The following TSC22D1 variants were observed in gnomAD, a reference collection of about 807,000 sequenced individuals.
The protein encoded by TSC22D1 is TSC22 domain family protein 1.
A neutral mutation model predicts 74.2 loss-of-function variants in TSC22D1; 9 were observed. The observed-to-expected ratio is 0.12, with a 90% CI of 0.07 to 0.21. The LOEUF (loss-of-function observed/expected upper bound fraction) is 0.21. TSC22D1 is among the 10% of genes least tolerant of loss of function. The pLI, the probability that TSC22D1 is intolerant of heterozygous loss-of-function variation, is 1.00. For missense variants in TSC22D1, 1,427 were observed against 1,304.7 expected (o/e 1.09, Z -1.44); for synonymous variants, 586 against 492.5 (o/e 1.19, Z -2.51).
At chr13:44,533,598 C>A (rs966735741) in intron 1 of TSC22D1, among the ~76,000 whole-genome samples, 6 of 151,752 alleles carry the variant, frequency 4.0e-5, no homozygotes, top group Non-Finnish European at 8.8e-5. Flanking sequence ...TGCCTGGCCA[C>A]CATGGTGAAG....
At chr13:44,521,843 T>C (rs1880333210) in intron 1 of TSC22D1, among the ~76,000 whole-genome samples, 2 of 152,200 alleles carry the variant, frequency 1.3e-5, no homozygotes, top group African/African-American at 4.8e-5. Context: ...GGCACTATAA[T>C]TTACCTACAT....
At chr13:44,529,670 G>A (rs1294086831) in intron 1 of TSC22D1, among the ~76,000 whole-genome samples, 1 of 152,072 alleles carries the variant, frequency 6.6e-6, no homozygotes, top group Non-Finnish European at 1.5e-5. Context: ...ATATGATTGT[G>A]TATGTTGAAA....
chr13:44,569,123 G>A (rs982057424), intron 1 of TSC22D1, among the ~76,000 whole-genome samples: 7 of 152,064 alleles, frequency 4.6e-5, no homozygotes, highest in African/African-American at 1.4e-4. Flanking sequence ...CAAAGTTCTA[G>A]GGAATTTCCA....
chr13:44,453,693 C>T (rs367896639), intron 1 of TSC22D1, among the ~76,000 whole-genome samples: 35 of 152,140 alleles, frequency 2.3e-4, no homozygotes, highest in Non-Finnish European at 4.4e-4. Context: ...CCCAGAAATA[C>T]GCAGTTCAAT....
intron 1 of TSC22D1, chr13:44,537,566 T>C: frequency 1.0e-6 from 1 of 985,094 alleles, no homozygotes; most frequent in Non-Finnish European, 1.2e-6. Flanking sequence ...CATTTTTAGT[T>C]CCTTCAGTTC....
intron 1 of TSC22D1, among the ~76,000 whole-genome samples, chr13:44,499,912 C>T (rs779627687): frequency 5.3e-5 from 8 of 151,940 alleles, no homozygotes; most frequent in Non-Finnish European, 7.4e-5. Context: ...CATGGTGAAA[C>T]CCCATCTCTA....
chr13:44,458,214 C>G (rs1595093206), intron 1 of TSC22D1, among the ~76,000 whole-genome samples: 1 of 152,276 alleles, frequency 6.6e-6, no homozygotes, highest in East Asian at 1.9e-4. Flanking sequence ...ACTAAAGCAT[C>G]ATTTCCAAAC....
Position 44,434,286 on chromosome 13 carries a change from C to G in TSC22D1, c.*340G>C. The G allele has an allele frequency of 7.2e-7, 1 of 1,380,344 alleles. No individual in the cohort carries two copies. Among genetic ancestry groups the G allele is most frequent in the Non-Finnish European group, 9.3e-7 (1 of 1,077,624 alleles). The allele number at this position is 1,380,344 out of a possible 1,614,324, so 85.5% of individuals were successfully genotyped here. On this transcript the variant is annotated 3_prime_UTR_variant, in exon 3 of 3. Transcript: ENST00000458659. ...CACTAAGCGCAAGCAGGAGAGAGAA[C>G]CCTTGGAAGTGAGGGGTAGGGAGCC...
At chr13:44,476,427 A>T (rs1877914353) in intron 1 of TSC22D1, among the ~76,000 whole-genome samples, 1 of 151,998 alleles carries the variant, frequency 6.6e-6, no homozygotes, top group Admixed American at 6.6e-5. Flanking sequence ...CTTTTTGTTG[A>T]TTATTATCTA....
chr13:44,556,193 A>C (rs1376478705), intron 1 of TSC22D1, among the ~76,000 whole-genome samples: 5 of 151,974 alleles, frequency 3.3e-5, no homozygotes, highest in Admixed American at 1.3e-4. Context: ...CAGGAAATAA[A>C]TAATGGAAAC....
At chr13:44,546,387 G>A (rs1881826782) in intron 1 of TSC22D1, among the ~76,000 whole-genome samples, 1 of 152,150 alleles carries the variant, frequency 6.6e-6, no homozygotes, top group Non-Finnish European at 1.5e-5. Flanking sequence ...TCACAATCAT[G>A]TACCTCCTTA....
chr13:44,573,818 C>A lies in TSC22D1; in HGVS notation c.2257G>T (p.Val753Phe), dbSNP rs749750005. ...GATGGAGGAGCACCCTGCTGAATAA[C>A]TGAAGGTGGAACCTGGGTAGAGGGC... Reference protein sequence around the residue: ...QQPSTQVPPSVIQQGAPPSSQ... With the variant: ...QQPSTQVPPSFIQQGAPPSSQ... Residue 753 changes from valine to phenylalanine, a missense_variant, in exon 1 of 3, where the codon GTT becomes TTT. Transcript: ENST00000458659. 13 of 1,614,232 alleles carry A rather than the reference C, an allele frequency of 8.1e-6. No homozygotes were observed. The highest frequency in any genetic ancestry group is 1.0e-5 in the Non-Finnish European group (12 of 1,180,030).
chr13:44,451,344 A>G (rs978518879), intron 1 of TSC22D1: 7 of 152,176 alleles, frequency 4.6e-5, no homozygotes, highest in Non-Finnish European at 1.0e-4. Context: ...AGAGGGAGGG[A>G]CGCGTGTGAG....
intron 1 of TSC22D1, among the ~76,000 whole-genome samples, chr13:44,459,595 A>C (rs1013124844): frequency 2.0e-5 from 3 of 152,188 alleles, no homozygotes; most frequent in Middle Eastern, 3.2e-3. Flanking sequence ...GCCACATTGC[A>C]GGTGACAAGA....
intron 1 of TSC22D1, among the ~76,000 whole-genome samples, chr13:44,559,693 C>CT (rs36114777): frequency 0.36 from 50,578 of 140,166 alleles, 10,438 homozygotes; most frequent in Middle Eastern, 0.55. Flanking sequence ...CCAAAAATTT[C>CT]TTTTTTTTTT....
chr13:44,544,463 A>G (rs1468785358), intron 1 of TSC22D1, among the ~76,000 whole-genome samples: 1 of 151,752 alleles, frequency 6.6e-6, no homozygotes, highest in African/African-American at 2.4e-5. Context: ...GTGTATTATC[A>G]AATGGAATAC....
At chr13:44,462,946 T>A (rs1373335519) in intron 1 of TSC22D1, among the ~76,000 whole-genome samples, 1 of 152,178 alleles carries the variant, frequency 6.6e-6, no homozygotes, top group Non-Finnish European at 1.5e-5. Context: ...AATTACAAAC[T>A]ATAAATTATA....
intron 2 of TSC22D1, 102 bp downstream of exon 2, chr13:44,435,942 C>T (rs1452806347): frequency 8.4e-7 from 1 of 1,188,086 alleles, no homozygotes; most frequent in Non-Finnish European, 1.2e-6. Flanking sequence ...GCATCAAGAG[C>T]AATCATCATC....
intron 1 of TSC22D1, among the ~76,000 whole-genome samples, chr13:44,518,565 T>C (rs1880162050): frequency 6.6e-6 from 1 of 152,164 alleles, no homozygotes; most frequent in African/African-American, 2.4e-5. Context: ...AACATGCAAA[T>C]TATTTTAATT....
Sources: allele counts gnomAD v4.1 joint callset (sites outside exome capture counted in the v4.1 genomes callset), GRCh38; gene constraint gnomAD v4.1.1; transcripts MANE v1.5; gene names NCBI Gene and HGNC (gene_info 2026-07-23, HGNC 2026-07-21).